The following PHC1 variants were observed in gnomAD, a reference collection of about 807,000 sequenced individuals.
PHC1 encodes the protein polyhomeotic-like protein 1.
PHC1 carries 12 observed loss-of-function variants against 104.3 expected under a neutral mutation model. The ratio of observed to expected loss-of-function variants is 0.12; its 90% CI spans 0.07 to 0.19. The LOEUF is 0.19. Among genes scored for constraint, PHC1 ranks in the 10% least tolerant of loss-of-function variants. PHC1 has a pLI of 1.00. For missense variants in PHC1, 671 were observed against 1,200.0 expected, an observed-to-expected ratio of 0.56 and a Z score of 6.51; for synonymous variants, 302 against 455.8, an observed-to-expected ratio of 0.66 and a Z score of 4.30.
At chr12:8,935,054 A>C (rs1218838451) in intron 10 of PHC1, 70 bp from the exon 11 acceptor site, 2 of 737,350 alleles carry the variant, frequency 2.7e-6, no homozygotes, top group South Asian at 1.8e-5. Flanking sequence ...TGATGGGGAA[A>C]TGTTGGGGAA....
intron 3 of PHC1, 81 bp from the exon 4 acceptor site, chr12:8,920,904 G>A (rs1005934984): frequency 2.2e-6 from 2 of 903,992 alleles, no homozygotes; most frequent in South Asian, 1.5e-5. Context: ...TATGTTTTGT[G>A]CTTGTGATTT....
chr12:8,913,954 AG>A (rs1252154434), upstream of PHC1: 1 of 152,392 alleles, frequency 6.6e-6, no homozygotes, highest in East Asian at 1.9e-4. Flanking sequence ...AGTTGAGGTG[AG>A]GGATTAAACA....
At chr12:8,922,273 C>T (rs1481530140) in intron 5 of PHC1, among the ~76,000 whole-genome samples, 2 of 152,312 alleles carry the variant, frequency 1.3e-5, no homozygotes, top group African/African-American at 4.8e-5. Context: ...TAACATTTGA[C>T]TAAATTAGTG....
chr12:8,918,717 CCAATTGGAGAAA>C (rs1223602991), intron 2 of PHC1, among the ~76,000 whole-genome samples: 3 of 152,234 alleles, frequency 2.0e-5, no homozygotes, highest in Non-Finnish European at 4.4e-5. Flanking sequence ...TTTCCAGCTC[CCAATTGGAGAAA>C]CAAGTTTGTA....
At chr12:8,917,036 A>C (rs1157087321) in intron 1 of PHC1, among the ~76,000 whole-genome samples, 1 of 152,256 alleles carries the variant, frequency 6.6e-6, no homozygotes, top group Non-Finnish European at 1.5e-5. Context: ...GGTTTGAAGA[A>C]GCATGTGTTA....
intron 10 of PHC1, 36 bp downstream of exon 10, chr12:8,934,514 G>A: frequency 3.3e-6 from 5 of 1,508,914 alleles, no homozygotes; most frequent in Non-Finnish European, 4.6e-6. Context: ...CTTTGAAGTG[G>A]GGACTTGGTC....
Position 8,917,647 on chromosome 12 carries a change from G to A in PHC1, c.-31G>A, listed in dbSNP as rs768653862. The A allele has an allele frequency of 5.3e-6, 6 of 1,141,666 alleles. No homozygotes were observed. The African/African-American group carries it at 8.1e-5, about 16-fold the overall frequency. The allele number at this position is 1,141,666 out of a possible 1,614,324, so 70.7% of individuals were successfully genotyped here. A position where few individuals can be genotyped will look rare whatever the true frequency, so the allele number is the denominator to read the frequency against. On this transcript the variant is annotated 5_prime_UTR_variant, in exon 2 of 15. Coordinates refer to ENST00000544916, the MANE Select transcript of PHC1 (RefSeq NM_004426.3). ...CCCTCTAGGTCTTGAGTCAGACAGA[G>A]CACCAGCCTTGGGGACCCTGGACCA... is the stretch of plus-strand genomic sequence containing the variant.
intron 14 of PHC1, among the ~76,000 whole-genome samples, chr12:8,938,445 C>CTT (rs11399108): frequency 0.011 from 1,560 of 142,240 alleles, 22 homozygotes; most frequent in African/African-American, 0.037. Context: ...TGCTAGTCTT[C>CTT]TTTTTTTTTT....
chr12:8,939,307 T>A lies in PHC1; in HGVS notation c.2863T>A (p.Cys955Ser). The A allele has an allele frequency of 6.2e-7, 1 of 1,614,210 alleles. No individual in the cohort carries two copies. The highest frequency in any genetic ancestry group is 8.5e-7 in the Non-Finnish European group (1 of 1,180,024). Residue 955 changes from cysteine to serine, a missense_variant and splice_region_variant, in exon 15 of 15, where the codon TGC (cysteine) becomes AGC (serine). Physicochemically the swap from Cys to Ser is moderately radical, Grantham distance 112. Transcript: ENST00000544916. ...VYEFIASLQG[C>S]QEIAEEFRSQ... ...CATGTTCTCACCATTTCTTCTAGGC[T>A]GCCAAGAGATTGCAGAGGAATTTCG...
chr12:8,937,997 C>T lies in PHC1; in HGVS notation c.2797C>T (p.Leu933=). ...ATTACATGGCATCAACCCTGTGTTC[C>T]TGTCCAGTAATCCCAGCCGTTGGAG... is the stretch of plus-strand genomic sequence containing the variant. ...PELHGINPVF[L]SSNPSRWSVE... Residue 933 remains leucine, a synonymous_variant, in exon 14 of 15, where the codon CTG becomes TTG. Coordinates refer to ENST00000544916, the MANE Select transcript of PHC1 (RefSeq NM_004426.3). The T allele has an allele frequency of 2.5e-6, 4 of 1,607,960 alleles. No homozygotes were observed.
rs142253130 is a variant in PHC1 at position 8,922,662 on chromosome 12, C to T, written c.486C>T (p.Asn162=). 6.8e-5 allele frequency: 108 copies of T among 1,589,312 alleles called. No individual in the cohort carries two copies. In the African/African-American group the frequency reaches 1.3e-3, roughly 19 times the overall value. ...RPQLGNLLQV[N]RTLGRNVPLA... is the part of the protein sequence containing the mutation. ...AGCTGGGAAACCTATTGCAGGTAAA[C>T]CGAACCCTGGGTCGGAATGTGCCTC... The change falls in exon 6 of 15, where the codon AAC becomes AAT. Residue 162 remains asparagine (N), a synonymous_variant. Transcript: ENST00000544916.
intron 7 of PHC1, 45 bp downstream of exon 7, chr12:8,930,972 G>A (rs1335224118): frequency 5.2e-6 from 8 of 1,542,300 alleles, no homozygotes; most frequent in Admixed American, 2.2e-5. Flanking sequence ...GAATTCATGT[G>A]AAATTTTCCT....
rs1016356089 is a variant in PHC1, at chr12:8,933,692, G to T, written c.1894-173G>T. The T allele has an allele frequency of 1.4e-5, 9 of 638,502 alleles. No homozygotes were observed. The East Asian group carries it at 1.9e-4, about 14-fold the overall frequency. The allele number at this position is 638,502 out of a possible 1,614,324, so 39.6% of individuals were successfully genotyped here. ...ACTAAATCATGTTACATTTTCTTTT[G>T]TCCTGATGGAAAGTTACTAGGAATG... On this transcript the variant is annotated intron_variant, in intron 8 of 14. Transcript: ENST00000544916.
intron 6 of PHC1, among the ~76,000 whole-genome samples, chr12:8,923,234 T>G (rs927215691): frequency 2.0e-5 from 3 of 152,242 alleles, no homozygotes; most frequent in Non-Finnish European, 2.9e-5. Flanking sequence ...TTCTCAACTT[T>G]CAGTCTTCTC....
intron 14 of PHC1, among the ~76,000 whole-genome samples, chr12:8,938,482 A>G (rs1389349443): frequency 2.7e-5 from 4 of 147,278 alleles, no homozygotes; most frequent in African/African-American, 5.0e-5. Flanking sequence ...GGGATTCCCT[A>G]TGTTGCCCAG....
At chr12:8,921,488 C>G in intron 4 of PHC1, 113 bp from the exon 5 acceptor site, 1 of 927,448 alleles carries the variant, frequency 1.1e-6, no homozygotes, top group Non-Finnish European at 1.7e-6. Flanking sequence ...CCCCCGGCTC[C>G]ATGAAAGTGA....
intron 3 of PHC1, among the ~76,000 whole-genome samples, chr12:8,920,433 C>T (rs769724551): frequency 1.9e-4 from 29 of 152,310 alleles, no homozygotes; most frequent in Non-Finnish European, 2.9e-4. Flanking sequence ...TCTAGCTGGG[C>T]GTGGTGGCTT....
At chr12:8,930,026 G>T (rs1383045977) in intron 6 of PHC1, among the ~76,000 whole-genome samples, 2 of 152,118 alleles carry the variant, frequency 1.3e-5, no homozygotes, top group Non-Finnish European at 2.9e-5. Flanking sequence ...TATGTCATAA[G>T]TGATAATTTT....
Position 8,922,756 on chromosome 12 carries a change from C to G in PHC1, c.580C>G (p.Gln194Glu), listed in dbSNP as rs373502292. The change falls in exon 6 of 15, where the codon CAG becomes GAG. Residue 194 changes from glutamine (Q) to glutamate (E), a missense_variant. Physicochemically the swap from Gln to Glu is conservative, Grantham distance 29. Around this residue, in one of 9 missense-constraint regions of PHC1, gnomAD observed 237 missense variants for 331.1 expected, o/e 0.72. Coordinates refer to ENST00000544916, the MANE Select transcript of PHC1 (RefSeq NM_004426.3). ...AGTCCAGCAGGAGGTGCCATCTGCTCAGTCTCCTGGAGTTCATGCAGATGC... is the reference window on the plus strand; with the variant it reads ...AGTCCAGCAGGAGGTGCCATCTGCTGAGTCTCCTGGAGTTCATGCAGATGC... ...AAVQQEVPSA[Q>E]SPGVHADADQ... 8.1e-6 allele frequency: 13 copies of G among 1,612,686 alleles called. No homozygotes were observed. Among genetic ancestry groups the G allele is most frequent in the Non-Finnish European group, 1.0e-5 (12 of 1,179,544 alleles).
Sources: gnomAD v4.1 joint callset for allele counts (sites outside exome capture counted in the v4.1 genomes callset) on GRCh38, gnomAD v4.1.1 for gene constraint, gnomAD v4.1.1 regional missense constraint, MANE v1.5 for transcripts, NCBI Gene and HGNC (gene_info 2026-07-23, HGNC 2026-07-21) for gene names.